The following ANGPT4 variants were observed in gnomAD, a reference collection of about 807,000 sequenced individuals.
ANGPT4 encodes the protein angiopoietin-4.
ANGPT4 carries 50 observed loss-of-function variants against 53.0 expected under a neutral mutation model. That is an observed-to-expected ratio of 0.94 (90% confidence interval 0.75 to 1.20). ANGPT4 has a LOEUF of 1.20. Among genes scored for constraint, ANGPT4 ranks in the 50% most tolerant of loss-of-function variants. The pLI, the probability that ANGPT4 is intolerant of heterozygous loss-of-function variation, is 0.00. For missense variants in ANGPT4, 648 were observed against 637.1 expected (o/e 1.02, Z -0.18); for synonymous variants, 251 against 259.7 (o/e 0.97, Z 0.32).
rs372508631 is a variant in ANGPT4 at position 916,178 on chromosome 20, G to A, written c.37C>T (p.Leu13Phe). 6.2e-7 allele frequency: 1 copy of A among 1,613,876 alleles called. No homozygotes were observed. Among genetic ancestry groups the A allele is most frequent in the African/African-American group, 1.3e-5 (1 of 74,942 alleles). Residue 13 changes from leucine to phenylalanine, a missense_variant, in exon 1 of 9, where the codon CTC becomes TTC. Coordinates refer to ENST00000381922, the MANE Select transcript of ANGPT4 (RefSeq NM_015985.4). ...SQLAMLQGSL[L>F]LVVATMSVAQ... ...ACAGACATGGTGGCAACCACAAGGA[G>A]GAGGCTGCCCTGCAGCATGGCTAGC...
At chr20:905,407 G>C (rs6118169) in intron 1 of ANGPT4, among the ~76,000 whole-genome samples, 60,995 of 151,940 alleles carry the variant, frequency 0.4, 15,652 homozygotes, top group African/African-American at 0.73. Flanking sequence ...TAAGGGGCAC[G>C]AGATTTCCAC....
At chr20:881,586 A>C (rs1291178310) in intron 4 of ANGPT4, among the ~76,000 whole-genome samples, 1 of 152,138 alleles carries the variant, frequency 6.6e-6, no homozygotes, top group Non-Finnish European at 1.5e-5. Context: ...GGGGAGGGGA[A>C]CTAAGGCTGA....
In ANGPT4 at chr20:908,573, G is replaced by A. The variant is rs1363313741; in HGVS notation, c.309+7333C>T. Among the ~76,000 whole-genome samples, 1 of 152,140 alleles carries A rather than the reference G, an allele frequency of 6.6e-6. No individual in the cohort carries two copies. The stretch of plus-strand genomic sequence containing the variant: ...ATCGTTGCACATGGGAAATCACTAG[G>A]TTAGTTACACCCACTGCTCCAGGGG... On this transcript the variant is annotated intron_variant, in intron 1 of 8. Transcript: ENST00000381922. The surrounding 1 kb of genome is among the most constrained non-coding windows in gnomAD (Gnocchi z 4.9).
At chr20:875,669 G>A (rs573341348) in intron 7 of ANGPT4, among the ~76,000 whole-genome samples, 1 of 152,328 alleles carries the variant, frequency 6.6e-6, no homozygotes, top group East Asian at 1.9e-4. Flanking sequence ...TGTGAAGTGT[G>A]CAGAGCAGTG....
intron 1 of ANGPT4, 87 bp downstream of exon 1, chr20:915,819 A>C: frequency 1.4e-6 from 2 of 1,440,136 alleles, no homozygotes; most frequent in Non-Finnish European, 1.9e-6. Flanking sequence ...TGCTCAGGGA[A>C]GGCCTCTTGG....
intron 7 of ANGPT4, 67 bp from the exon 8 acceptor site, chr20:874,481 G>A: frequency 6.3e-7 from 1 of 1,590,750 alleles, no homozygotes. Flanking sequence ...TGTCGAGCAA[G>A]AACTTCCCCA....
chr20:899,488 C>T (rs550738537), intron 1 of ANGPT4, among the ~76,000 whole-genome samples: 4 of 152,008 alleles, frequency 2.6e-5, no homozygotes, highest in East Asian at 1.9e-4. Context: ...TTCCTGACCT[C>T]GTGATTTGCC....
rs115699877 is a variant in ANGPT4, at chr20:875,340, C to G, written c.1221-926G>C. 2.4e-3 allele frequency among the ~76,000 whole-genome samples: 368 copies of G among 152,340 alleles called. 1 individual carries two copies. Among genetic ancestry groups the G allele is most frequent in the African/African-American group, 8.3e-3 (344 of 41,578 alleles). On this transcript the variant is annotated intron_variant, in intron 7 of 8. Transcript: ENST00000381922. ...TCTTCCAAGAAGCCTTCCCTGACTA[C>G]ACCAGCCCCCATGGATCTGGGCTCC...
intron 1 of ANGPT4, among the ~76,000 whole-genome samples, chr20:915,231 C>A (rs941573604): frequency 1.3e-5 from 2 of 152,102 alleles, no homozygotes; most frequent in Admixed American, 6.5e-5. Flanking sequence ...GTGGCCCCCC[C>A]CCCAGCTGCA....
intron 6 of ANGPT4, 84 bp downstream of exon 6, chr20:879,663 G>A (rs1383765336): frequency 6.0e-6 from 7 of 1,170,400 alleles, no homozygotes; most frequent in Non-Finnish European, 7.3e-6. Flanking sequence ...GGAGGAATGA[G>A]GGCAAAGCAG....
At chr20:904,147 C>A (rs574629904) in intron 1 of ANGPT4, among the ~76,000 whole-genome samples, 5 of 152,106 alleles carry the variant, frequency 3.3e-5, no homozygotes, top group Non-Finnish European at 5.9e-5. Flanking sequence ...TTCCAAGGAA[C>A]AAAAAGGAGT....
chr20:884,944 A>G (rs1230005572), intron 4 of ANGPT4, 134 bp downstream of exon 4: 109 of 1,258,254 alleles, frequency 8.7e-5, no homozygotes, highest in South Asian at 5.9e-4. Flanking sequence ...TGTTGTTTCT[A>G]TTTCACAGAT....
intron 3 of ANGPT4, among the ~76,000 whole-genome samples, chr20:888,012 C>A (rs868247728): frequency 2.6e-5 from 4 of 152,106 alleles, no homozygotes; most frequent in Non-Finnish European, 5.9e-5. Context: ...TGGCTCCTAG[C>A]CCAGCCCCGT....
At chr20:912,341 A>G (rs1435966794) in intron 1 of ANGPT4, among the ~76,000 whole-genome samples, 2 of 152,166 alleles carry the variant, frequency 1.3e-5, no homozygotes, top group Non-Finnish European at 2.9e-5. Context: ...CCTCCGGATT[A>G]GGCACTGAGA....
intron 1 of ANGPT4, among the ~76,000 whole-genome samples, chr20:893,232 A>G (rs1369251916): frequency 6.6e-6 from 1 of 152,248 alleles, no homozygotes; most frequent in Non-Finnish European, 1.5e-5. Context: ...CAGCCATACT[A>G]GCAGGTCCTG....
chr20:915,142 C>T (rs1053352538), intron 1 of ANGPT4, among the ~76,000 whole-genome samples: 3 of 152,076 alleles, frequency 2.0e-5, no homozygotes, highest in Non-Finnish European at 4.4e-5. Context: ...CTGTTGAAAT[C>T]GAATCACGGG....
rs371525435 is a variant in ANGPT4, at chr20:885,236, G to C, written c.677C>G (p.Thr226Arg). Residue 226 changes from threonine (T) to arginine (R), a missense_variant, in exon 4 of 9, where the codon ACG becomes AGG. Transcript: ENST00000381922. ...GAGGGCGGCGCTCTGGCGGCTCAGC[G>C]TGTTCAGCAGCTTCGCCTTCTTGCT... ...ILSKKAKLLN[T>R]LSRQSAALTN... The C allele has an allele frequency of 4.4e-6, 7 of 1,585,136 alleles. No individual in the cohort carries two copies. The African/African-American group carries it at 5.4e-5, about 12-fold the overall frequency.
At chr20:904,417 G>A (rs1366772265) in intron 1 of ANGPT4, among the ~76,000 whole-genome samples, 2 of 152,214 alleles carry the variant, frequency 1.3e-5, no homozygotes, top group African/African-American at 2.4e-5. Flanking sequence ...AGCATTGTAA[G>A]CTGCTTGAAA....
chr20:872,867 G>A lies in ANGPT4; in HGVS notation c.*93C>T, dbSNP rs1008352804. ...GGAAGCCCAGGGTGTCAGGGAAGGC[G>A]GTGGCACAGTGTCTTGCATCTGGGT... On this transcript the variant is annotated 3_prime_UTR_variant, in exon 9 of 9. Transcript: ENST00000381922. The A allele has an allele frequency of 2.3e-5, 35 of 1,507,760 alleles. No individual in the cohort carries two copies. The highest frequency in any genetic ancestry group is 9.1e-5 in the East Asian group (4 of 44,054). 93.4% of individuals were successfully genotyped at this position (1,507,760 alleles called of 1,614,324 possible).
Sources: gnomAD v4.1 joint callset for allele counts (sites outside exome capture counted in the v4.1 genomes callset) on GRCh38, gnomAD v4.1.1 for gene constraint, Gnocchi (gnomAD v3.1) non-coding constraint, MANE v1.5 for transcripts, NCBI Gene and HGNC (gene_info 2026-07-23, HGNC 2026-07-21) for gene names.